ZCCHC7: variants seen among roughly 807,000 people sequenced by gnomAD.
ZCCHC7 encodes zinc finger CCHC-type containing 7.
Under a neutral mutation model 52.0 loss-of-function variants are expected in ZCCHC7, and 35 were observed. The ratio of observed to expected loss-of-function variants is 0.67; its 90% CI spans 0.51 to 0.89. The LOEUF is 0.89. ZCCHC7 is among the 40% of genes least tolerant of loss of function. ZCCHC7 has a pLI of 0.00. For missense variants in ZCCHC7, 574 were observed against 649.1 expected (o/e 0.88, Z 1.26); for synonymous variants, 217 against 221.5 (o/e 0.98, Z 0.18).
At chr9:37,136,292 T>C (rs76492369) in intron 2 of ZCCHC7, among the ~76,000 whole-genome samples, 7,714 of 152,258 alleles carry the variant, frequency 0.051, 639 homozygotes, top group African/African-American at 0.17. Context: ...AAATGAGATA[T>C]TGGGTAGGCT....
At chr9:37,201,338 A>C (rs1823620915) in intron 2 of ZCCHC7, among the ~76,000 whole-genome samples, 1 of 152,202 alleles carries the variant, frequency 6.6e-6, no homozygotes, top group South Asian at 2.1e-4. Flanking sequence ...AGTAATATGT[A>C]TATGTGCCCT....
intron 2 of ZCCHC7, among the ~76,000 whole-genome samples, chr9:37,164,851 C>T (rs903688388): frequency 6.6e-6 from 1 of 152,174 alleles, no homozygotes; most frequent in Non-Finnish European, 1.5e-5. Flanking sequence ...CAGTCATGAG[C>T]CACTGCACCC....
At chr9:37,139,748 C>T (rs1843144334) in intron 2 of ZCCHC7, among the ~76,000 whole-genome samples, 2 of 151,868 alleles carry the variant, frequency 1.3e-5, no homozygotes, top group Admixed American at 1.3e-4. Flanking sequence ...CTTATAACCA[C>T]CTCAGTGTGA....
intron 2 of ZCCHC7, among the ~76,000 whole-genome samples, chr9:37,179,179 A>G (rs1029402067): frequency 2.0e-5 from 3 of 152,042 alleles, no homozygotes; most frequent in Admixed American, 6.5e-5. Context: ...TTTCCCTTTT[A>G]CTTTAAAATG....
chr9:37,284,515 G>A (rs542478812), intron 2 of ZCCHC7, among the ~76,000 whole-genome samples: 1 of 151,478 alleles, frequency 6.6e-6, no homozygotes, highest in African/African-American at 2.4e-5. Context: ...CAGCTTTTTT[G>A]CTCCATAAAA....
chr9:37,171,867 A>T (rs551117935), intron 2 of ZCCHC7, among the ~76,000 whole-genome samples: 5 of 152,316 alleles, frequency 3.3e-5, no homozygotes, highest in South Asian at 2.1e-4. Flanking sequence ...AGTAAGAGGA[A>T]TGGATGTTTT....
chr9:37,304,181 C>G lies in ZCCHC7; in HGVS notation c.655-7C>G. 1.3e-6 allele frequency: 2 copies of G among 1,531,604 alleles called. No individual in the cohort carries two copies. The highest frequency in any genetic ancestry group is 1.8e-6 in the Non-Finnish European group (2 of 1,140,406). The allele number at this position is 1,531,604 out of a possible 1,614,324, so 94.9% of individuals were successfully genotyped here. On this transcript the variant is annotated splice_region_variant and splice_polypyrimidine_tract_variant and intron_variant, in intron 3 of 8. Coordinates refer to ENST00000336755, the MANE Select transcript of ZCCHC7 (RefSeq NM_032226.3). ...TTTTTTTAATTCTTGATTTTTTTTT[C>G]CCTTAGGCCCAGATAGCTAATAACC... is the stretch of plus-strand genomic sequence containing the variant.
intron 2 of ZCCHC7, chr9:37,284,049 G>A (rs1231701053): frequency 6.6e-6 from 1 of 151,970 alleles, no homozygotes; most frequent in East Asian, 1.9e-4. Context: ...GTTCGAGAAG[G>A]AAATCCCATT....
intron 2 of ZCCHC7, among the ~76,000 whole-genome samples, chr9:37,253,134 T>TA (rs1826410892): frequency 6.6e-6 from 1 of 152,060 alleles, no homozygotes; most frequent in East Asian, 1.9e-4. Context: ...GGTCTATAGA[T>TA]ACGGCAAGAA....
At chr9:37,239,081 A>G (rs1237501704) in intron 2 of ZCCHC7, among the ~76,000 whole-genome samples, 1 of 152,184 alleles carries the variant, frequency 6.6e-6, no homozygotes, top group Non-Finnish European at 1.5e-5. Flanking sequence ...GAAATTTATT[A>G]TTAGAAAAAG....
chr9:37,213,030 C>T (rs746174615), intron 2 of ZCCHC7, among the ~76,000 whole-genome samples: 20 of 152,254 alleles, frequency 1.3e-4, no homozygotes, highest in African/African-American at 2.9e-4. Context: ...CTGAACTCTT[C>T]GCTTAGATAT....
At chr9:37,304,131 T>C (rs1325257290) in intron 3 of ZCCHC7, 57 bp from the exon 4 acceptor site, 2 of 1,547,364 alleles carry the variant, frequency 1.3e-6, no homozygotes, top group Non-Finnish European at 1.8e-6. Flanking sequence ...GAGTAGTAGA[T>C]GGCTTTTATT....
At chr9:37,164,082 A>G (rs1588408639) in intron 2 of ZCCHC7, among the ~76,000 whole-genome samples, 1 of 150,706 alleles carries the variant, frequency 6.6e-6, no homozygotes, top group Admixed American at 6.6e-5. Flanking sequence ...TTAATCCTCC[A>G]ACTTTTTTTT....
At chr9:37,309,828 A>G (rs1268632145) in intron 5 of ZCCHC7, among the ~76,000 whole-genome samples, 1 of 151,898 alleles carries the variant, frequency 6.6e-6, no homozygotes. Flanking sequence ...AGGCTGAGGC[A>G]TGAGAATTGC....
chr9:37,295,781 C>A (rs918579870), intron 2 of ZCCHC7, among the ~76,000 whole-genome samples: 7 of 151,942 alleles, frequency 4.6e-5, no homozygotes, highest in African/African-American at 1.7e-4. Context: ...TGTGAGACAT[C>A]CAAGAAAAGA....
chr9:37,157,967 T>G (rs13295115), intron 2 of ZCCHC7, among the ~76,000 whole-genome samples: 44,755 of 152,174 alleles, frequency 0.29, 7,149 homozygotes, highest in Middle Eastern at 0.4. Flanking sequence ...ATGCAACTAC[T>G]GTCTTGAGGA....
rs910046109 is a variant in ZCCHC7 at position 37,257,524 on chromosome 9, A to G, written c.611-44664A>G. Among the ~76,000 whole-genome samples the G allele has an allele frequency of 2.6e-5, 4 of 152,234 alleles. No homozygotes were observed. The South Asian group carries it at 8.3e-4, about 32-fold the overall frequency. On this transcript the variant is annotated intron_variant, in intron 2 of 8. Coordinates refer to ENST00000336755, the MANE Select transcript of ZCCHC7 (RefSeq NM_032226.3). ...ATATGGAAAGACATTTGAAAATACA[A>G]AACAATGCCACTCTTCTCATTTCGG... is the stretch of plus-strand genomic sequence containing the variant.
intron 2 of ZCCHC7, among the ~76,000 whole-genome samples, chr9:37,282,249 C>T (rs1827992158): frequency 6.6e-6 from 1 of 152,156 alleles, no homozygotes; most frequent in South Asian, 2.1e-4. Context: ...CTGAACTGTA[C>T]ACTTAAGAAT....
At position 37,357,035 on chromosome 9, in the gene ZCCHC7, C is replaced by G; in HGVS notation, c.1399C>G (p.Arg467Gly). Residue 467 changes from arginine to glycine, a missense_variant, in exon 9 of 9, where the codon CGT (arginine) becomes GGT (glycine). Coordinates refer to ENST00000336755, the MANE Select transcript of ZCCHC7 (RefSeq NM_032226.3). Reference sequence around the variant, plus strand: ...GAAGCACAGGAAGGCTGACAGACATCGTGAAGTGGATGAGGATTTTCCCAG... The same window carrying G: ...GAAGCACAGGAAGGCTGACAGACATGGTGAAGTGGATGAGGATTTTCCCAG... ...WEKHRKADRH[R>G]EVDEDFPRGP... The G allele has an allele frequency of 6.2e-7, 1 of 1,613,696 alleles. No homozygotes were observed. The highest frequency in any genetic ancestry group is 8.5e-7 in the Non-Finnish European group (1 of 1,179,920).
Sources: gnomAD v4.1 joint callset for allele counts (sites outside exome capture counted in the v4.1 genomes callset) on GRCh38, gnomAD v4.1.1 for gene constraint, MANE v1.5 for transcripts, NCBI Gene and HGNC (gene_info 2026-07-23, HGNC 2026-07-21) for gene names.